XIRP2: variants seen among roughly 807,000 people sequenced by gnomAD.
XIRP2 encodes xin actin-binding repeat-containing protein 2.
XIRP2 carries 236 observed loss-of-function variants against 277.0 expected under a neutral mutation model. That is an observed-to-expected ratio of 0.85 (90% confidence interval 0.77 to 0.95). XIRP2 has a LOEUF of 0.95. Ranked by LOEUF, XIRP2 falls within the 40% of genes least tolerant of loss-of-function variation. The pLI, the probability that XIRP2 is intolerant of heterozygous loss-of-function variation, is 0.00. For synonymous variants in XIRP2, 1,490 were observed against 1,416.5 expected (o/e 1.05, Z -1.17); for missense variants, 4,640 against 4,157.5 (o/e 1.12, Z -3.19).
At chr2:167,205,008 T>G (rs1323817196) in intron 3 of XIRP2, among the ~76,000 whole-genome samples, 1 of 152,312 alleles carries the variant, frequency 6.6e-6, no homozygotes, top group East Asian at 1.9e-4. Flanking sequence ...CCAGCACAAT[T>G]TGTTGATAGT....
chr2:167,043,838 G>A (rs1201592562), intron 2 of XIRP2, among the ~76,000 whole-genome samples: 1 of 151,768 alleles, frequency 6.6e-6, no homozygotes, highest in Non-Finnish European at 1.5e-5. Context: ...TGTTTATACT[G>A]TAAATATTCA....
chr2:167,071,263 A>G (rs112494282), intron 2 of XIRP2, among the ~76,000 whole-genome samples: 144 of 152,338 alleles, frequency 9.5e-4, no homozygotes, highest in African/African-American at 3.3e-3. Flanking sequence ...ATTAGTCTTG[A>G]CTATAAAACT....
intron 1 of XIRP2, among the ~76,000 whole-genome samples, chr2:166,899,809 T>C (rs946607160): frequency 3.3e-5 from 5 of 152,102 alleles, no homozygotes; most frequent in Non-Finnish European, 7.4e-5. Flanking sequence ...AGGCAATAGA[T>C]TGAAAACTGA....
At chr2:166,939,340 T>C (rs964860640) in intron 2 of XIRP2, among the ~76,000 whole-genome samples, 27 of 152,108 alleles carry the variant, frequency 1.8e-4, no homozygotes, top group African/African-American at 6.3e-4. Context: ...TTATTTCTCC[T>C]TCACTTATGA....
chr2:167,243,881 A>T lies in XIRP2; in HGVS notation c.2489A>T (p.Lys830Met), dbSNP rs779761167. The T allele has an allele frequency of 1.7e-5, 28 of 1,613,842 alleles. 1 individual carries two copies. The South Asian group carries it at 2.4e-4, about 14-fold the overall frequency. The change falls in exon 9 of 11, where the codon AAG (lysine) becomes ATG (methionine). Residue 830 changes from lysine to methionine, a missense_variant. Transcript: ENST00000409195. Reference protein sequence around the residue: ...IKESEEVIIEKEKIIGTDVSR... With the variant: ...IKESEEVIIEMEKIIGTDVSR... ...GAGTCAGAAGAGGTCATCATTGAAA[A>T]GGAAAAAATAATAGGTACAGATGTC...
At chr2:167,047,911 G>T (rs1324660157) in intron 2 of XIRP2, among the ~76,000 whole-genome samples, 1 of 151,940 alleles carries the variant, frequency 6.6e-6, no homozygotes, top group Admixed American at 6.6e-5. Flanking sequence ...AGATTTGAAG[G>T]TTAATTAAAC....
intron 2 of XIRP2, among the ~76,000 whole-genome samples, chr2:167,027,653 T>A (rs1688209432): frequency 6.6e-6 from 1 of 152,114 alleles, no homozygotes; most frequent in South Asian, 2.1e-4. Context: ...ACTTTTGGTC[T>A]TTGATGATGG....
At chr2:167,211,316 C>T (rs1374149292) in intron 4 of XIRP2, among the ~76,000 whole-genome samples, 1 of 151,996 alleles carries the variant, frequency 6.6e-6, no homozygotes, top group Non-Finnish European at 1.5e-5. Flanking sequence ...AGGATGGTAT[C>T]GATCTCTTGA....
intron 2 of XIRP2, among the ~76,000 whole-genome samples, chr2:167,025,900 G>T (rs945697163): frequency 2.0e-5 from 3 of 152,182 alleles, no homozygotes; most frequent in African/African-American, 7.2e-5. Context: ...TGGAATAGGT[G>T]TGGTGTGGTG....
chr2:167,119,956 C>T (rs1420691954), intron 2 of XIRP2, among the ~76,000 whole-genome samples: 1 of 152,130 alleles, frequency 6.6e-6, no homozygotes, highest in Non-Finnish European at 1.5e-5. Context: ...AGAGGCTTCC[C>T]TTCTGTGCTA....
chr2:166,933,127 T>C (rs1051804193), intron 2 of XIRP2, among the ~76,000 whole-genome samples: 3 of 151,750 alleles, frequency 2.0e-5, no homozygotes, highest in African/African-American at 7.3e-5. Context: ...GGAATTTTAA[T>C]TGGAATAAAT....
At chr2:166,949,136 G>A (rs908449165) in intron 2 of XIRP2, among the ~76,000 whole-genome samples, 2 of 151,882 alleles carry the variant, frequency 1.3e-5, no homozygotes, top group African/African-American at 4.8e-5. Flanking sequence ...AGGTTCATGA[G>A]CAACTGGTCC....
chr2:166,903,926 A>G (rs755770875), intron 2 of XIRP2, 36 bp downstream of exon 2: 24 of 1,579,694 alleles, frequency 1.5e-5, no homozygotes, highest in African/African-American at 2.7e-5. Context: ...ATGTTTACAT[A>G]TGACTTCCTT....
In XIRP2 at chr2:167,245,027, T is replaced by C. The variant is rs763725263; in HGVS notation, c.3635T>C (p.Ile1212Thr). ...TTTGAAAATCAGTCCTTAGATTCTA[T>C]AAGTTCTAGTTCAGAGGAAGTTTTG... ...YKFENQSLDS[I>T]SSSSEEVLKK... is the part of the protein sequence containing the mutation. The change falls in exon 9 of 11, where the codon ATA becomes ACA. Residue 1212 changes from isoleucine to threonine, a missense_variant. By Grantham distance (89) the Ile-to-Thr change is moderately conservative. Transcript: ENST00000409195. 4.9e-5 allele frequency: 79 copies of C among 1,613,128 alleles called. No individual in the cohort carries two copies. Among genetic ancestry groups the C allele is most frequent in the Admixed American group, 4.2e-4 (25 of 59,880 alleles).
At position 167,247,606 on chromosome 2, in the gene XIRP2, C is replaced by T. The variant is rs1477918160; in HGVS notation, c.6214C>T (p.Gln2072Ter). Residue 2072 changes from glutamine to a stop codon, truncating the protein, a stop_gained, in exon 9 of 11, where the codon CAG (glutamine) becomes TAG (stop). Transcript: ENST00000409195. LOFTEE classifies it high-confidence loss of function. ...TGVWTDTTGE[Q>*]HLRDEYMSRQ... ...TGTCTGGACTGATACTACAGGAGAA[C>T]AGCATCTTAGAGATGAATATATGAG... 1 of 1,613,680 alleles carries T rather than the reference C, an allele frequency of 6.2e-7. No individual in the cohort carries two copies.
At chr2:167,072,323 GC>G (rs1689456782) in intron 2 of XIRP2, among the ~76,000 whole-genome samples, 1 of 152,022 alleles carries the variant, frequency 6.6e-6, no homozygotes, top group Admixed American at 6.6e-5. Flanking sequence ...ATAATACCAA[GC>G]AAAAATTTTA....
intron 2 of XIRP2, among the ~76,000 whole-genome samples, chr2:166,905,578 A>T (rs1009541241): frequency 5.3e-5 from 8 of 152,020 alleles, no homozygotes; most frequent in African/African-American, 1.9e-4. Context: ...AGTATATGTA[A>T]CATACTGTTT....
At chr2:166,944,787 A>G (rs1168448893) in intron 2 of XIRP2, among the ~76,000 whole-genome samples, 1 of 152,098 alleles carries the variant, frequency 6.6e-6, no homozygotes, top group African/African-American at 2.4e-5. Flanking sequence ...TTCCATTTTT[A>G]GTGTTGAAGA....
chr2:167,077,510 A>C (rs2105257784), intron 2 of XIRP2, among the ~76,000 whole-genome samples: 1 of 152,330 alleles, frequency 6.6e-6, no homozygotes, highest in Admixed American at 6.5e-5. Flanking sequence ...GAATTTCATA[A>C]ATTCTATAAA....
Sources: gnomAD v4.1 joint callset for allele counts (sites outside exome capture counted in the v4.1 genomes callset) on GRCh38, gnomAD v4.1.1 for gene constraint, MANE v1.5 for transcripts, NCBI Gene and HGNC (gene_info 2026-07-23, HGNC 2026-07-21) for gene names.